VARS1: variants seen among roughly 807,000 people sequenced by gnomAD.
VARS1 encodes valine--tRNA ligase.
VARS1 carries 92 observed loss-of-function variants against 161.0 expected under a neutral mutation model. The ratio of observed to expected loss-of-function variants is 0.57; its 90% CI spans 0.48 to 0.68. The LOEUF is 0.68. Ranked by LOEUF, VARS1 falls within the 30% of genes least tolerant of loss-of-function variation. VARS1 has a pLI of 0.00. For missense variants in VARS1, 1,338 were observed against 1,695.9 expected (o/e 0.79, Z 3.71); for synonymous variants, 595 against 682.5 (o/e 0.87, Z 2.00).
chr6:31,791,611 A>G lies in VARS1; in HGVS notation c.1099T>C (p.Trp367Arg). Residue 367 changes from tryptophan (W) to arginine (R), a missense_variant and splice_region_variant, in exon 8 of 30, where the codon TGG (tryptophan) becomes CGG (arginine). Around this residue, in one of 3 missense-constraint regions of VARS1, gnomAD observed 902 missense variants for 1,090.3 expected, o/e 0.83. Coordinates refer to ENST00000375663, the MANE Select transcript of VARS1 (RefSeq NM_006295.3). This position sits in a 1 kb window ranked among gnomAD's most constrained non-coding sequence, Gnocchi z 5.0. ...TNAIQDSLTR[W>R]HRMRGETTLW... ...AGGAAGGTGCAGATAGAAGCTCACC[A>G]TCGAGTCAGGGAGTCCTGGATGGCG... 8.7e-6 allele frequency: 14 copies of G among 1,609,762 alleles called. No homozygotes were observed. Among genetic ancestry groups the G allele is most frequent in the Non-Finnish European group, 1.1e-5 (13 of 1,178,040 alleles).
In VARS1 at chr6:31,785,453, T is replaced by C. The variant is rs1183996929; in HGVS notation, c.1265+116A>G. 16 of 1,522,506 alleles carry C rather than the reference T, an allele frequency of 1.1e-5. No homozygotes were observed. Among genetic ancestry groups the C allele is most frequent in the Non-Finnish European group, 1.4e-5 (16 of 1,125,590 alleles). The allele number at this position is 1,522,506 out of a possible 1,614,324, so 94.3% of individuals were successfully genotyped here. On this transcript the variant is annotated intron_variant, in intron 9 of 29. Transcript: ENST00000375663. The surrounding 1 kb of genome is among the most constrained non-coding windows in gnomAD (Gnocchi z 6.1). Reference sequence around the variant, plus strand: ...TACCTGGGCCCTAGAGCCAACTGACTCTGCCTCTGTGGGAGGGTCTGACCC... The same window carrying C: ...TACCTGGGCCCTAGAGCCAACTGACCCTGCCTCTGTGGGAGGGTCTGACCC...
At position 31,780,562 on chromosome 6, in the gene VARS1, T is replaced by C. The variant is rs1328643507; in HGVS notation, c.2804A>G (p.Asp935Gly). 6.2e-7 allele frequency: 1 copy of C among 1,613,568 alleles called. No homozygotes were observed. The highest frequency in any genetic ancestry group is 8.5e-7 in the Non-Finnish European group (1 of 1,179,716). ...TATCCGGTTCACATCCAGGTTGATG[T>C]CACGACCTGGGTCGGGGGTGAGATG... is the stretch of plus-strand genomic sequence containing the variant. ...GLCAYMSQGR[D>G]INLDVNRILG... Residue 935 changes from aspartate (D) to glycine (G), a missense_variant, in exon 25 of 30, where the codon GAC (aspartate) becomes GGC (glycine). This residue lies in a region of VARS1 where 433 missense variants were observed against 586.2 expected (regional missense o/e 0.74). Transcript: ENST00000375663. This position sits in a 1 kb window ranked among gnomAD's most constrained non-coding sequence, Gnocchi z 5.1.
Position 31,778,728 on chromosome 6 carries a change from A to G in VARS1, c.3726+239T>C. 1 of 586,248 alleles carries G rather than the reference A, an allele frequency of 1.7e-6. No individual in the cohort carries two copies. Among genetic ancestry groups the G allele is most frequent in the Admixed American group, 3.3e-5 (1 of 30,438 alleles). The allele number at this position is 586,248 out of a possible 1,614,324, so 36.3% of individuals were successfully genotyped here. On this transcript the variant is annotated intron_variant, in intron 29 of 29. Transcript: ENST00000375663. The surrounding 1 kb of genome is among the most constrained non-coding windows in gnomAD (Gnocchi z 5.1). Reference sequence around the variant, plus strand: ...GATTTCACCATGTTGGCTGGTCTCAAACCCCTGGGCTCAAGTGATCCACCC... The same window carrying G: ...GATTTCACCATGTTGGCTGGTCTCAGACCCCTGGGCTCAAGTGATCCACCC...
Position 31,795,234 on chromosome 6 carries a change from G to A in VARS1, c.-17C>T, listed in dbSNP as rs751300115. On this transcript the variant is annotated 5_prime_UTR_variant, in exon 2 of 30. Coordinates refer to ENST00000375663, the MANE Select transcript of VARS1 (RefSeq NM_006295.3). The surrounding 1 kb of genome is among the most constrained non-coding windows in gnomAD (Gnocchi z 6.9). ...GGTGGACATAGTTATGAGAAGGTCC[G>A]AACGAAGTGGAAAAACCTAAGGAGA... The A allele has an allele frequency of 1.1e-5, 15 of 1,404,954 alleles. No homozygotes were observed. Among genetic ancestry groups the A allele is most frequent in the Non-Finnish European group, 1.4e-5 (15 of 1,076,906 alleles). 87.0% of individuals were successfully genotyped at this position (1,404,954 alleles called of 1,614,324 possible).
chr6:31,781,351 C>CCACACCAGCCCCCGGGT lies in VARS1; in HGVS notation c.2544+113_2544+129dup. Reference sequence around the variant, plus strand: ...GCAGGGCCCAGGCTGGATTTCAACCCCACACCAGCCCCCGGGTCAGGCCTG... The same window carrying CCACACCAGCCCCCGGGT: ...GCAGGGCCCAGGCTGGATTTCAACCCCACACCAGCCCCCGGGTCACACCAGCCCCCGGGTCAGGCCTG... On this transcript the variant is annotated intron_variant, in intron 21 of 29. Coordinates refer to ENST00000375663, the MANE Select transcript of VARS1 (RefSeq NM_006295.3). This position sits in a 1 kb window ranked among gnomAD's most constrained non-coding sequence, Gnocchi z 6.8. The CCACACCAGCCCCCGGGT allele has an allele frequency of 7.0e-7, 1 of 1,422,254 alleles. No individual in the cohort carries two copies. The highest frequency in any genetic ancestry group is 1.4e-5 in the African/African-American group (1 of 70,788). 88.1% of individuals were successfully genotyped at this position (1,422,254 alleles called of 1,614,324 possible).
At chr6:31,787,516 G>A (rs1300490102) in intron 8 of VARS1, among the ~76,000 whole-genome samples, 4 of 151,724 alleles carry the variant, frequency 2.6e-5, no homozygotes, top group Non-Finnish European at 5.9e-5. Context: ...GTGGTGGTGC[G>A]TGCCTGTAGT....
At position 31,784,208 on chromosome 6, in the gene VARS1, C is replaced by A; in HGVS notation, c.1671+6G>T. 6.2e-7 allele frequency: 1 copy of A among 1,614,134 alleles called. No homozygotes were observed. The highest frequency in any genetic ancestry group is 1.1e-5 in the South Asian group (1 of 91,082). On this transcript the variant is annotated splice_donor_region_variant and intron_variant, in intron 13 of 29. Coordinates refer to ENST00000375663, the MANE Select transcript of VARS1 (RefSeq NM_006295.3). The surrounding 1 kb of genome is among the most constrained non-coding windows in gnomAD (Gnocchi z 6.1). ...ACTCCTTCCCTAACTGTGGACAGTC[C>A]CCCACCTGGTATCTGGTATCTTTGG...
Position 31,781,313 on chromosome 6 carries a change from C to A in VARS1, c.2544+168G>T. Reference sequence around the variant, plus strand: ...CTCTGGGAAGATGAAGCCCTGGGCACAGGAATCACTGAGCAGGGCCCAGGC... The same window carrying A: ...CTCTGGGAAGATGAAGCCCTGGGCAAAGGAATCACTGAGCAGGGCCCAGGC... On this transcript the variant is annotated intron_variant, in intron 21 of 29. Coordinates refer to ENST00000375663, the MANE Select transcript of VARS1 (RefSeq NM_006295.3). This position sits in a 1 kb window ranked among gnomAD's most constrained non-coding sequence, Gnocchi z 6.8. 8.0e-7 allele frequency: 1 copy of A among 1,251,518 alleles called. No homozygotes were observed. The highest frequency in any genetic ancestry group is 1.4e-5 in the South Asian group (1 of 69,058). 77.5% of individuals were successfully genotyped at this position (1,251,518 alleles called of 1,614,324 possible). A position where few individuals can be genotyped will look rare whatever the true frequency, so the allele number is the denominator to read the frequency against.
At position 31,779,032 on chromosome 6, in the gene VARS1, G is replaced by A. The variant is rs764755261; in HGVS notation, c.3661C>T (p.Arg1221Cys). ...AQRQAQRLRERRAASGYPVKV... is the reference protein window; with the variant it reads ...AQRQAQRLRECRAASGYPVKV... ...ACAGGATAGCCCGAGGCAGCACGGC[G>A]TTCCCGCAGACGCTGGGCCTGCCGC... Residue 1221 changes from arginine (R) to cysteine (C), a missense_variant, in exon 29 of 30, where the codon CGC becomes TGC. Arg to Cys is a radical substitution (Grantham distance 180). Transcript: ENST00000375663. The surrounding 1 kb of genome is among the most constrained non-coding windows in gnomAD (Gnocchi z 9.1). 8.1e-6 allele frequency: 13 copies of A among 1,612,834 alleles called. No homozygotes were observed. The highest frequency in any genetic ancestry group is 3.3e-5 in the Admixed American group (2 of 60,004).
At chr6:31,794,519 T>C (rs1325059872) in intron 2 of VARS1, among the ~76,000 whole-genome samples, 12 of 152,200 alleles carry the variant, frequency 7.9e-5, no homozygotes, top group Non-Finnish European at 8.8e-5. Flanking sequence ...AATTTCAGAC[T>C]CATCAAACTT....
Position 31,777,729 on chromosome 6 carries a change from C to T in VARS1, c.3727-67G>A. The T allele has an allele frequency of 1.3e-6, 2 of 1,562,390 alleles. No homozygotes were observed. On this transcript the variant is annotated intron_variant, in intron 29 of 29. Transcript: ENST00000375663. This position sits in a 1 kb window ranked among gnomAD's most constrained non-coding sequence, Gnocchi z 5.8. Reference sequence around the variant, plus strand: ...TGAAGAGACCCCCAAACACCCAGGACAACAAAGTTGGAAAGATGAGCGAGG... The same window carrying T: ...TGAAGAGACCCCCAAACACCCAGGATAACAAAGTTGGAAAGATGAGCGAGG...
intron 8 of VARS1, among the ~76,000 whole-genome samples, chr6:31,787,844 C>T (rs1032157266): frequency 6.6e-6 from 1 of 151,942 alleles, no homozygotes; most frequent in Non-Finnish European, 1.5e-5. Flanking sequence ...CAGGGCCGGG[C>T]GTGGTGGCTC....
In VARS1 at chr6:31,782,282, C is replaced by T. The variant is rs369903710; in HGVS notation, c.2150+3G>A. ...CCCCTCCCACACTGAGGACCCTACA[C>T]ACCGGATGTTGTCCATCCAGGCATG... is the stretch of plus-strand genomic sequence containing the variant. On this transcript the variant is annotated splice_donor_region_variant and intron_variant, in intron 17 of 29. Transcript: ENST00000375663. This position sits in a 1 kb window ranked among gnomAD's most constrained non-coding sequence, Gnocchi z 8.3. The T allele has an allele frequency of 1.4e-5, 22 of 1,612,524 alleles. No homozygotes were observed. In the East Asian group the frequency reaches 1.6e-4, roughly 11 times the overall value.
intron 2 of VARS1, 63 bp from the exon 3 acceptor site, chr6:31,793,183 CAA>C: frequency 6.5e-7 from 1 of 1,530,382 alleles, no homozygotes; most frequent in Non-Finnish European, 8.7e-7. Context: ...CACCACAACC[CAA>C]TCCATGTGGC....
Position 31,779,071 on chromosome 6 carries a change from G to T in VARS1, c.3622C>A (p.Arg1208=), listed in dbSNP as rs776596987. 1.2e-6 allele frequency: 2 copies of T among 1,612,500 alleles called. No homozygotes were observed. Among genetic ancestry groups the T allele is most frequent in the Admixed American group, 3.3e-5 (2 of 59,956 alleles). The change falls in exon 29 of 30, where the codon CGA becomes AGA. Residue 1208 remains arginine (R), a synonymous_variant. Transcript: ENST00000375663. This position sits in a 1 kb window ranked among gnomAD's most constrained non-coding sequence, Gnocchi z 9.1. ...TGGGCCTGCCGCTGGGCCTCAACTC[G>T]CTTGGCTTGCAGCTTGCCCAGCTCC... ...ARELGKLQAK[R]VEAQRQAQRL...
rs552368529 is a variant in VARS1, at chr6:31,780,383, C to T, written c.2925+58G>A. On this transcript the variant is annotated intron_variant, in intron 25 of 29. Transcript: ENST00000375663. This position sits in a 1 kb window ranked among gnomAD's most constrained non-coding sequence, Gnocchi z 5.1. ...CCCCCCAGCTACATGGAGGCTGCTC[C>T]GGACAGGGGTACAGCCTGTGTGAGT... 2.0e-4 allele frequency: 317 copies of T among 1,576,760 alleles called. 1 individual carries two copies. The African/African-American group carries it at 3.6e-3, about 18-fold the overall frequency.
Position 31,795,226 on chromosome 6 carries a change from G to A in VARS1, c.-9C>T, listed in dbSNP as rs1348382855. The A allele has an allele frequency of 1.4e-6, 2 of 1,423,346 alleles. No individual in the cohort carries two copies. The highest frequency in any genetic ancestry group is 2.4e-5 in the Admixed American group (1 of 41,968). 88.2% of individuals were successfully genotyped at this position (1,423,346 alleles called of 1,614,324 possible). On this transcript the variant is annotated 5_prime_UTR_variant, in exon 2 of 30. Transcript: ENST00000375663. This position sits in a 1 kb window ranked among gnomAD's most constrained non-coding sequence, Gnocchi z 6.9. ...ACGTAGAGGGTGGACATAGTTATGA[G>A]AAGGTCCGAACGAAGTGGAAAAACC...
In VARS1 at chr6:31,782,139, C is replaced by A. The variant is rs781064928; in HGVS notation, c.2189G>T (p.Arg730Leu). The A allele has an allele frequency of 6.2e-7, 1 of 1,613,826 alleles. No homozygotes were observed. The highest frequency in any genetic ancestry group is 1.3e-5 in the African/African-American group (1 of 74,922). The change falls in exon 18 of 30, where the codon CGC becomes CTC. Residue 730 changes from arginine to leucine, a missense_variant. This residue lies in a region of VARS1 where 902 missense variants were observed against 1,090.3 expected (regional missense o/e 0.83). Coordinates refer to ENST00000375663, the MANE Select transcript of VARS1 (RefSeq NM_006295.3). This position sits in a 1 kb window ranked among gnomAD's most constrained non-coding sequence, Gnocchi z 8.3. Reference sequence around the variant, plus strand: ...GACAGTGACAAAGTAGGCTGGGATGCGATGGCCCCACCACAGCTGCCTGGA... The same window carrying A: ...GACAGTGACAAAGTAGGCTGGGATGAGATGGCCCCACCACAGCTGCCTGGA... ...CISRQLWWGH[R>L]IPAYFVTVSD...
At chr6:31,787,287 G>A (rs1257127266) in intron 8 of VARS1, among the ~76,000 whole-genome samples, 2 of 152,016 alleles carry the variant, frequency 1.3e-5, no homozygotes. Context: ...AGTAATGGGA[G>A]TGTCTCACAT....
Sources: gnomAD v4.1 joint callset for allele counts (sites outside exome capture counted in the v4.1 genomes callset) on GRCh38, gnomAD v4.1.1 for gene constraint, gnomAD v4.1.1 regional missense constraint, Gnocchi (gnomAD v3.1) non-coding constraint, MANE v1.5 for transcripts, NCBI Gene and HGNC (gene_info 2026-07-23, HGNC 2026-07-21) for gene names.